CPAMD8: variants seen among roughly 807,000 people sequenced by gnomAD.
CPAMD8 encodes C3 and PZP-like alpha-2-macroglobulin domain-containing protein 8.
Under a neutral mutation model 224.7 loss-of-function variants are expected in CPAMD8, and 146 were observed. The ratio of observed to expected loss-of-function variants is 0.65; its 90% CI spans 0.57 to 0.75. The LOEUF (loss-of-function observed/expected upper bound fraction) is 0.75, where lower values mean the gene tolerates loss of function less well. Among genes scored for constraint, CPAMD8 ranks in the 30% least tolerant of loss-of-function variants. CPAMD8 has a pLI of 0.00. For missense variants in CPAMD8, 2,301 were observed against 2,537.5 expected, an observed-to-expected ratio of 0.91 and a Z score of 2.00; for synonymous variants, 966 against 1,044.6, an observed-to-expected ratio of 0.92 and a Z score of 1.45.
intron 30 of CPAMD8, among the ~76,000 whole-genome samples, chr19:16,906,380 TTCTTTC>T (rs2052499778): frequency 1.3e-5 from 1 of 76,786 alleles, no homozygotes; most frequent in African/African-American, 4.0e-5. Context: ...CTTTCTTTCT[TTCTTTC>T]TTTCTTTCTT....
chr19:17,022,903 CG>C (rs1406967762), intron 1 of CPAMD8, among the ~76,000 whole-genome samples: 2 of 151,990 alleles, frequency 1.3e-5, no homozygotes, highest in African/African-American at 2.4e-5. Flanking sequence ...CGGTGCACCC[CG>C]TCCCCCACCA....
At chr19:16,905,450 G>T (rs1407670650) in intron 30 of CPAMD8, among the ~76,000 whole-genome samples, 1 of 147,080 alleles carries the variant, frequency 6.8e-6, no homozygotes, top group Non-Finnish European at 1.5e-5. Context: ...GCATGGTGGT[G>T]CATGCCTGTA....
intron 25 of CPAMD8, among the ~76,000 whole-genome samples, chr19:16,927,363 C>T (rs143884517): frequency 2.1e-3 from 318 of 152,214 alleles, no homozygotes; most frequent in Non-Finnish European, 3.7e-3. Flanking sequence ...ACGTACCTGT[C>T]GCCTTCCACC....
chr19:16,906,978 T>C lies in CPAMD8; in HGVS notation c.4001A>G (p.Lys1334Arg). 6.3e-7 allele frequency: 1 copy of C among 1,595,994 alleles called. No homozygotes were observed. Among genetic ancestry groups the C allele is most frequent in the East Asian group, 2.3e-5 (1 of 44,322 alleles). Residue 1334 changes from lysine (K) to arginine (R), a missense_variant, in exon 30 of 42, where the codon AAG (lysine) becomes AGG (arginine). Physicochemically the swap from Lys to Arg is conservative, Grantham distance 26 (BLOSUM62 2). Transcript: ENST00000443236. The stretch of plus-strand genomic sequence containing the variant: ...TCGCATGATGGCCAGGCTACGGAGC[T>C]TGCGCAGTGCCTCAGGGGCTGCCGG... ...RSPAAPEALR[K>R]LRSLAIMRDG...
At chr19:16,904,388 A>G (rs1403231038) in intron 31 of CPAMD8, 26 bp from the exon 32 acceptor site, 4 of 1,613,766 alleles carry the variant, frequency 2.5e-6, no homozygotes, top group Non-Finnish European at 2.5e-6. Context: ...CCCACTGGGG[A>G]CTTTTGACAC....
intron 23 of CPAMD8, among the ~76,000 whole-genome samples, chr19:16,933,698 T>C (rs973827533): frequency 1.3e-5 from 2 of 152,096 alleles, no homozygotes; most frequent in Non-Finnish European, 2.9e-5. Flanking sequence ...TAAATGTTGG[T>C]GAGGATGGGG....
intron 22 of CPAMD8, among the ~76,000 whole-genome samples, chr19:16,939,896 T>C (rs1268772193): frequency 1.3e-5 from 2 of 151,864 alleles, no homozygotes; most frequent in African/African-American, 4.8e-5. Flanking sequence ...TTGTTGTTGT[T>C]TTGGGTTTTT....
chr19:16,999,398 G>A (rs1875259982), intron 10 of CPAMD8, among the ~76,000 whole-genome samples: 1 of 151,848 alleles, frequency 6.6e-6, no homozygotes, highest in African/African-American at 2.4e-5. Context: ...AGCTAATACA[G>A]TGAAACCCCG....
chr19:16,967,432 T>C (rs1316826703), intron 18 of CPAMD8, among the ~76,000 whole-genome samples: 1 of 152,124 alleles, frequency 6.6e-6, no homozygotes, highest in East Asian at 1.9e-4. Context: ...GGGACATGTA[T>C]ACCTATCAAA....
intron 27 of CPAMD8, among the ~76,000 whole-genome samples, 191 bp downstream of exon 27, chr19:16,921,714 C>T (rs1186572337): frequency 6.6e-6 from 1 of 152,192 alleles, no homozygotes; most frequent in Non-Finnish European, 1.5e-5. Context: ...TTACGATCAC[C>T]AGCTCTGCAC....
At chr19:16,989,316 T>C (rs2055854688) in intron 13 of CPAMD8, among the ~76,000 whole-genome samples, 1 of 152,150 alleles carries the variant, frequency 6.6e-6, no homozygotes, top group Admixed American at 6.6e-5. Context: ...TTGAGGAGTC[T>C]GGCTTTGTCG....
intron 13 of CPAMD8, among the ~76,000 whole-genome samples, chr19:16,988,966 C>T (rs1010481738): frequency 3.3e-5 from 5 of 152,108 alleles, no homozygotes; most frequent in African/African-American, 9.7e-5. Flanking sequence ...TGTGCTTGCA[C>T]GGGATCTAGG....
At chr19:16,895,877 A>G (rs1268040732) in intron 41 of CPAMD8, 2 of 544,706 alleles carry the variant, frequency 3.7e-6, no homozygotes, top group Non-Finnish European at 7.0e-6. Flanking sequence ...GGGATCCTTG[A>G]CCCGTATGCG....
At chr19:16,987,166 AAAAAAAAAAAAAAAT>A (rs1487811395) in intron 13 of CPAMD8, among the ~76,000 whole-genome samples, 2 of 104,090 alleles carry the variant, frequency 1.9e-5, no homozygotes, top group East Asian at 2.8e-4. Flanking sequence ...AAAAAAAAAA[AAAAAAAAAAAAAAAT>A]ATATATATAT....
chr19:16,962,339 G>A (rs147240352), intron 18 of CPAMD8, among the ~76,000 whole-genome samples: 4 of 152,254 alleles, frequency 2.6e-5, no homozygotes, highest in African/African-American at 9.6e-5. Context: ...GCATAGAGAA[G>A]AACTTAAATG....
chr19:16,957,976 C>T, intron 18 of CPAMD8, 61 bp from the exon 19 acceptor site: 2 of 1,475,408 alleles, frequency 1.4e-6, no homozygotes, highest in Non-Finnish European at 1.9e-6. Context: ...TTATGTGAAC[C>T]TAGCAGCTTT....
chr19:16,957,699 A>G (rs567287621), intron 19 of CPAMD8, 154 bp downstream of exon 19: 27 of 720,060 alleles, frequency 3.7e-5, no homozygotes, highest in South Asian at 3.0e-4. Context: ...GGCTGGCTTC[A>G]TGGCTTGAAG....
chr19:16,977,559 G>A lies in CPAMD8; in HGVS notation c.1586-19C>T. ...GGGGGCTCTGAGGTGAGCAAAAGTA[G>A]AGAGAGGTGGTGAATTCTCCGCATC... is the stretch of plus-strand genomic sequence containing the variant. On this transcript the variant is annotated intron_variant, in intron 14 of 41. Transcript: ENST00000443236. 1 of 1,558,912 alleles carries A rather than the reference G, an allele frequency of 6.4e-7. No individual in the cohort carries two copies. The highest frequency in any genetic ancestry group is 8.6e-7 in the Non-Finnish European group (1 of 1,159,902).
In CPAMD8 at chr19:16,925,338, G is replaced by A. The variant is rs1243502657; in HGVS notation, c.3405C>T (p.Asn1135=). 3.7e-6 allele frequency: 6 copies of A among 1,614,246 alleles called. No individual in the cohort carries two copies. The highest frequency in any genetic ancestry group is 4.2e-6 in the Non-Finnish European group (5 of 1,180,040). ...AGCCAAACGGCAGCCGCAGGAGGTT[G>A]TTGAGGTGGTTCAGGGTTGGCCCCA... The part of the protein sequence containing the change: ...DVMGPTLNHL[N]NLLRLPFGCG... Residue 1135 remains asparagine (N), a synonymous_variant, in exon 26 of 42, where the codon AAC becomes AAT. Coordinates refer to ENST00000443236, the MANE Select transcript of CPAMD8 (RefSeq NM_015692.5).
Sources: gnomAD v4.1 joint callset for allele counts (sites outside exome capture counted in the v4.1 genomes callset) on GRCh38, gnomAD v4.1.1 for gene constraint, MANE v1.5 for transcripts, NCBI Gene and HGNC (gene_info 2026-07-23, HGNC 2026-07-21) for gene names.